Variants in FIS1 observed in about 807,000 individuals in gnomAD.
FIS1 encodes fission, mitochondrial 1, also known as mitochondrial fission 1 protein.
A neutral mutation model predicts 21.6 loss-of-function variants in FIS1; 16 were observed. The ratio of observed to expected loss-of-function variants is 0.74; its 90% confidence interval spans 0.50 to 1.12. The LOEUF is 1.12. Among genes scored for constraint, FIS1 ranks in the 50% most tolerant of loss-of-function variants. The probability of loss-of-function intolerance (pLI) is 0.00; values close to 1 mark genes in which losing one functional copy is unlikely to be tolerated. For synonymous variants in FIS1, 92 were observed against 82.2 expected (o/e 1.12, Z -0.65); for missense variants, 198 against 190.9 (o/e 1.04, Z -0.22).
chr7:101,241,749 C>G (rs1392315114), intron 2 of FIS1: 2 of 145,010 alleles, frequency 1.4e-5, no homozygotes, highest in African/African-American at 5.1e-5. Context: ...CACCTGAGGT[C>G]GGGAGTTTGA....
At chr7:101,240,357 G>A (rs937213221) in intron 3 of FIS1, 110 bp from the exon 4 acceptor site, 50 of 1,089,902 alleles carry the variant, frequency 4.6e-5, no homozygotes, top group East Asian at 7.5e-5. Context: ...GGACGGCAGC[G>A]TCGCAATCAC....
chr7:101,239,557 G>T lies in FIS1; in HGVS notation c.*249C>A. 1.8e-6 allele frequency: 1 copy of T among 568,798 alleles called. No individual in the cohort carries two copies. Among genetic ancestry groups the T allele is most frequent in the Non-Finnish European group, 3.2e-6 (1 of 309,336 alleles). 35.2% of individuals were successfully genotyped at this position (568,798 alleles called of 1,614,324 possible). A position where few individuals can be genotyped will look rare whatever the true frequency, so the allele number is the denominator to read the frequency against. On this transcript the variant is annotated 3_prime_UTR_variant, in exon 5 of 5. Coordinates refer to ENST00000223136, the MANE Select transcript of FIS1 (RefSeq NM_016068.3). Reference sequence around the variant, plus strand: ...GGAGAGGACCAGGAGTGACGTCTCCGCCCCCTGTGCCCAGCGTTCAGAACC... The same window carrying T: ...GGAGAGGACCAGGAGTGACGTCTCCTCCCCCTGTGCCCAGCGTTCAGAACC...
intron 1 of FIS1, 41 bp from the exon 2 acceptor site, chr7:101,244,180 C>T (rs770216591): frequency 6.3e-7 from 1 of 1,596,616 alleles, no homozygotes; most frequent in East Asian, 2.3e-5. Flanking sequence ...AAATGTAGGG[C>T]GTCAACCATT....
intron 1 of FIS1, 154 bp downstream of exon 1, chr7:101,244,806 C>G: frequency 1.2e-6 from 1 of 862,818 alleles, no homozygotes; most frequent in Non-Finnish European, 1.8e-6. Context: ...GCAGGCCCTC[C>G]GGGCAGGAGC....
intron 1 of FIS1, 73 bp from the exon 2 acceptor site, chr7:101,244,212 C>T: frequency 6.5e-7 from 1 of 1,530,204 alleles, no homozygotes; most frequent in Non-Finnish European, 8.8e-7. Flanking sequence ...CATGCCATCT[C>T]CCTGGCTCTG....
chr7:101,244,747 GGT>G, intron 1 of FIS1: 1 of 596,282 alleles, frequency 1.7e-6, no homozygotes, highest in South Asian at 2.1e-5. Flanking sequence ...CGTAGTCTGA[GGT>G]GTGGGGGGCT....
At position 101,239,630 on chromosome 7, in the gene FIS1, G is replaced by A. The variant is rs1369845197; in HGVS notation, c.*176C>T. The A allele has an allele frequency of 1.0e-5, 7 of 669,430 alleles. No individual in the cohort carries two copies. Among genetic ancestry groups the A allele is most frequent in the Non-Finnish European group, 1.4e-5 (5 of 366,586 alleles). The allele number at this position is 669,430 out of a possible 1,614,324, so 41.5% of individuals were successfully genotyped here. On this transcript the variant is annotated 3_prime_UTR_variant, in exon 5 of 5. Transcript: ENST00000223136. ...ACGGGGGTTCCCAAGCCACAGCCCC[G>A]TTTTATTTACACTCATCCCAAAGCA...
Position 101,240,227 on chromosome 7 carries a change from C to CT in FIS1, c.275dup (p.Tyr93ValfsTer23), listed in dbSNP as rs753594034. The stretch of plus-strand genomic sequence containing the variant: ...CTGTCTGCAGCAACCCGCGGACGTA[C>CT]TTTAAGGCCTTCTCGTATTCCTGCG... On this transcript the variant is annotated frameshift_variant, in exon 4 of 5. Coordinates refer to ENST00000223136, the MANE Select transcript of FIS1 (RefSeq NM_016068.3). LOFTEE classifies it high-confidence loss of function. 6.2e-7 allele frequency: 1 copy of CT among 1,614,248 alleles called. No individual in the cohort carries two copies. The highest frequency in any genetic ancestry group is 1.1e-5 in the South Asian group (1 of 91,088).
rs146665792 is a variant in FIS1, at chr7:101,239,738, A to AACAGGGAAAGG, written c.*57_*67dup. On this transcript the variant is annotated 3_prime_UTR_variant, in exon 5 of 5. Transcript: ENST00000223136. ...GGATAGAGACGGGGGGCAGGGGGAG[A>AACAGGGAAAGG]ACAGGGAAAGGACAGCGAGGATGGA... The AACAGGGAAAGG allele has an allele frequency of 0.049, 64,518 of 1,314,836 alleles. 2,064 individuals carry two copies. The highest frequency in any genetic ancestry group is 0.098 in the African/African-American group (6,679 of 68,310). The allele number at this position is 1,314,836 out of a possible 1,614,324, so 81.4% of individuals were successfully genotyped here. A position where few individuals can be genotyped will look rare whatever the true frequency, so the allele number is the denominator to read the frequency against.
Position 101,244,950 on chromosome 7 carries a change from C to A in FIS1, c.45+10G>T, listed in dbSNP as rs564103104. 2 of 1,614,072 alleles carry A rather than the reference C, an allele frequency of 1.2e-6. No homozygotes were observed. Among genetic ancestry groups the A allele is most frequent in the South Asian group, 2.2e-5 (2 of 91,078 alleles). ...ACCTTCCCTTTCCCTCTGTCCGGGC[C>A]AGGCCTCACCAGCAGGTCCTCCACA... On this transcript the variant is annotated intron_variant, in intron 1 of 4. Transcript: ENST00000223136.
In FIS1 at chr7:101,239,777, A is replaced by G. The variant is rs1180144746; in HGVS notation, c.*29T>C. ...AGCGAGGATGGACAGGCCCTCCTGG[A>G]GCGTTCTCCGTGGGCTCCCGCGTCT... On this transcript the variant is annotated 3_prime_UTR_variant, in exon 5 of 5. Coordinates refer to ENST00000223136, the MANE Select transcript of FIS1 (RefSeq NM_016068.3). 3.2e-6 allele frequency: 5 copies of G among 1,553,582 alleles called. No individual in the cohort carries two copies. In the South Asian group the frequency reaches 5.9e-5, roughly 18 times the overall value.
chr7:101,244,890 G>GC, intron 1 of FIS1, 70 bp downstream of exon 1: 1 of 1,584,262 alleles, frequency 6.3e-7, no homozygotes, highest in Non-Finnish European at 8.7e-7. Context: ...GGAGGGTTCG[G>GC]CCCCTACCTG....
chr7:101,244,763 G>C (rs1798793156), intron 1 of FIS1, 197 bp downstream of exon 1: 1 of 637,590 alleles, frequency 1.6e-6, no homozygotes, highest in Non-Finnish European at 2.7e-6. Flanking sequence ...GGGGGCTCAG[G>C]ACACTACAAC....
rs772491435 is a variant in FIS1 at position 101,244,976 on chromosome 7, G to T, written c.29C>A (p.Ser10Tyr). Residue 10 changes from serine to tyrosine, a missense_variant, in exon 1 of 5, where the codon TCT becomes TAT. Ser to Tyr is a moderately radical substitution (Grantham distance 144). Coordinates refer to ENST00000223136, the MANE Select transcript of FIS1 (RefSeq NM_016068.3). Reference protein sequence around the residue: MEAVLNELVSVEDLLKFEKK... With the variant: MEAVLNELVYVEDLLKFEKK... ...AGGCCTCACCAGCAGGTCCTCCACA[G>T]ACACCAGCTCGTTCAGCACGGCCTC... 1 of 1,614,058 alleles carries T rather than the reference G, an allele frequency of 6.2e-7. No individual in the cohort carries two copies. The highest frequency in any genetic ancestry group is 1.7e-4 in the Middle Eastern group (1 of 6,060).
intron 2 of FIS1, 120 bp downstream of exon 2, chr7:101,243,887 C>T (rs917388986): frequency 7.6e-7 from 1 of 1,310,190 alleles, no homozygotes; most frequent in Non-Finnish European, 1.0e-6. Context: ...AGACGTCAAG[C>T]TAAGTATAGC....
At chr7:101,241,004 T>G in intron 2 of FIS1, 98 bp from the exon 3 acceptor site, 1 of 1,208,930 alleles carries the variant, frequency 8.3e-7, no homozygotes, top group South Asian at 1.3e-5. Context: ...AATGCCTCTG[T>G]GATCCTGGGA....
At chr7:101,241,202 CGTGA>C (rs1391351041) in intron 2 of FIS1, 1 of 369,492 alleles carries the variant, frequency 2.7e-6, no homozygotes, top group Non-Finnish European at 5.0e-6. Context: ...CCAAAGGCAG[CGTGA>C]CTCAGTTTTG....
chr7:101,240,081 G>A (rs769799403), intron 4 of FIS1, 61 bp downstream of exon 4: 15 of 1,573,992 alleles, frequency 9.5e-6, no homozygotes, highest in Non-Finnish European at 1.2e-5. Flanking sequence ...CATTTACAGA[G>A]AGACCAAAGT....
chr7:101,242,669 A>T (rs1367576447), intron 2 of FIS1, among the ~76,000 whole-genome samples: 8 of 151,940 alleles, frequency 5.3e-5, no homozygotes, highest in Admixed American at 5.2e-4. Flanking sequence ...TTGTATTTTT[A>T]GTAGAGACAG....
Sources: gnomAD v4.1 joint callset for allele counts (sites outside exome capture counted in the v4.1 genomes callset) on GRCh38, gnomAD v4.1.1 for gene constraint, MANE v1.5 for transcripts, NCBI Gene and HGNC (gene_info 2026-07-23, HGNC 2026-07-21) for gene names.